ACOT7: variants seen among roughly 807,000 people sequenced by gnomAD.
The protein encoded by ACOT7 is cytosolic acyl coenzyme A thioester hydrolase.
A neutral mutation model predicts 40.2 loss-of-function variants in ACOT7; 12 were observed. The observed-to-expected ratio is 0.30, with a 90% CI of 0.19 to 0.48. The LOEUF (loss-of-function observed/expected upper bound fraction) is 0.48. ACOT7 is among the 20% of genes least tolerant of loss of function. The pLI is 0.99. For synonymous variants in ACOT7, 228 were observed against 219.5 expected (o/e 1.04, Z -0.34); for missense variants, 395 against 530.8 (o/e 0.74, Z 2.51).
intron 8 of ACOT7, among the ~76,000 whole-genome samples, chr1:6,277,549 C>T (rs1639231701): frequency 6.6e-6 from 1 of 152,256 alleles, no homozygotes; most frequent in Admixed American, 6.5e-5. Flanking sequence ...CCCGTCCTAG[C>T]CGGGTGGCCT....
chr1:6,331,112 A>G (rs191816148), intron 4 of ACOT7, among the ~76,000 whole-genome samples: 1 of 152,276 alleles, frequency 6.6e-6, no homozygotes, highest in East Asian at 1.9e-4. Flanking sequence ...AATGACCACA[A>G]CTTCCATCTC....
Position 6,349,763 on chromosome 1 carries a change from T to C in ACOT7, c.247A>G (p.Asn83Asp). Residue 83 changes from asparagine to aspartate, a missense_variant, in exon 2 of 9, where the codon AAC becomes GAC. Around this residue, in one of 2 missense-constraint regions of ACOT7, gnomAD observed 309 missense variants for 470.3 expected, o/e 0.66. Coordinates refer to ENST00000361521, the MANE Select transcript of ACOT7 (RefSeq NM_007274.4). ...CAGACCCTTACCCCGTTCTGGCTGT[T>C]GCAATGCCGGGTGCTGATGATGGCG... ...AGAIISTRHC[N>D]SQNGERCVAA... 6.2e-7 allele frequency: 1 copy of C among 1,613,836 alleles called. No homozygotes were observed. The highest frequency in any genetic ancestry group is 8.5e-7 in the Non-Finnish European group (1 of 1,179,908).
At chr1:6,332,090 C>A (rs960977458) in intron 4 of ACOT7, among the ~76,000 whole-genome samples, 4 of 152,238 alleles carry the variant, frequency 2.6e-5, no homozygotes, top group Non-Finnish European at 4.4e-5. Flanking sequence ...GCAAGAGCAC[C>A]CAGCGTCTCT....
chr1:6,384,842 T>C (rs1339761958), intron 1 of ACOT7, among the ~76,000 whole-genome samples: 1 of 151,656 alleles, frequency 6.6e-6, no homozygotes, highest in Non-Finnish European at 1.5e-5. Flanking sequence ...CTTTCAAAAT[T>C]GATGGAGGTC....
rs1172657859 is a variant in ACOT7, at chr1:6,299,553, C to G, written c.713-4573G>C. 6.6e-6 allele frequency among the ~76,000 whole-genome samples: 1 copy of G among 152,096 alleles called. No individual in the cohort carries two copies. The highest frequency in any genetic ancestry group is 2.4e-5 in the African/African-American group (1 of 41,396). Reference sequence around the variant, plus strand: ...CACCACACACAGAGGGCACAGAGGACAGTCGGCCTCCCCTTACCGGACGCC... The same window carrying G: ...CACCACACACAGAGGGCACAGAGGAGAGTCGGCCTCCCCTTACCGGACGCC... On this transcript the variant is annotated intron_variant, in intron 6 of 8. Transcript: ENST00000361521. The surrounding 1 kb of genome is among the most constrained non-coding windows in gnomAD (Gnocchi z 4.1).
chr1:6,327,902 T>C (rs1303328755), intron 4 of ACOT7, among the ~76,000 whole-genome samples: 2 of 152,092 alleles, frequency 1.3e-5, no homozygotes, highest in African/African-American at 4.8e-5. Flanking sequence ...GCCTCCCCGG[T>C]ACCTGGGACG....
chr1:6,306,209 A>C lies in ACOT7; in HGVS notation c.713-11229T>G. The C allele has an allele frequency of 1.2e-6, 1 of 804,638 alleles. No individual in the cohort carries two copies. Among genetic ancestry groups the C allele is most frequent in the Non-Finnish European group, 1.4e-6 (1 of 714,774 alleles). The allele number at this position is 804,638 out of a possible 1,614,324, so 49.8% of individuals were successfully genotyped here. A position where few individuals can be genotyped will look rare whatever the true frequency, so the allele number is the denominator to read the frequency against. ...AGAGGGAGAGGGAGACCGTGGGGAG[A>C]GGGGGAGGGGGAGGGGGAGAGGGAG... On this transcript the variant is annotated intron_variant, in intron 6 of 8. Transcript: ENST00000361521. This position sits in a 1 kb window ranked among gnomAD's most constrained non-coding sequence, Gnocchi z 4.3.
rs891891907 is a variant in ACOT7, at chr1:6,275,093, A to G, written c.1014+6009T>C. Among the ~76,000 whole-genome samples the G allele has an allele frequency of 6.6e-6, 1 of 152,122 alleles. No homozygotes were observed. Among genetic ancestry groups the G allele is most frequent in the Non-Finnish European group, 1.5e-5 (1 of 67,992 alleles). On this transcript the variant is annotated intron_variant, in intron 8 of 8. Transcript: ENST00000361521. The surrounding 1 kb of genome is among the most constrained non-coding windows in gnomAD (Gnocchi z 5.6). ...GGAAGCATCTGTGAGCAGACACACC[A>G]GCTCGCAGAGGGGTTGGCGTTCCCT...
chr1:6,293,111 G>A lies in ACOT7; in HGVS notation c.829+1753C>T, dbSNP rs548886438. On this transcript the variant is annotated intron_variant, in intron 7 of 8. Transcript: ENST00000361521. The stretch of plus-strand genomic sequence containing the variant: ...TCACCATGTTAACCAGGATGATCTC[G>A]CTCTCCTGACCTCATGATCCGCCCG... 4.2e-4 allele frequency among the ~76,000 whole-genome samples: 64 copies of A among 152,098 alleles called. 1 individual carries two copies. Among genetic ancestry groups the A allele is most frequent in the African/African-American group, 1.4e-3 (59 of 41,498 alleles).
rs547185011 is a variant in ACOT7, at chr1:6,330,572, C to G, written c.510+2905G>C. Among the ~76,000 whole-genome samples, 2 of 152,294 alleles carry G rather than the reference C, an allele frequency of 1.3e-5. No individual in the cohort carries two copies. The highest frequency in any genetic ancestry group is 3.9e-4 in the East Asian group (2 of 5,172). Reference sequence around the variant, plus strand: ...GTTGGTATTTATGTCTCATCAAACCCACTCTACAAAGGAAATGAAAAAGCA... The same window carrying G: ...GTTGGTATTTATGTCTCATCAAACCGACTCTACAAAGGAAATGAAAAAGCA... On this transcript the variant is annotated intron_variant, in intron 4 of 8. Transcript: ENST00000361521. The surrounding 1 kb of genome is among the most constrained non-coding windows in gnomAD (Gnocchi z 4.6).
At chr1:6,385,634 A>T in intron 1 of ACOT7, 1 of 1,612,092 alleles carries the variant, frequency 6.2e-7, no homozygotes, top group African/African-American at 1.3e-5. Flanking sequence ...TCCCAAACTC[A>T]CAGAGCCGGA....
intron 3 of ACOT7, among the ~76,000 whole-genome samples, chr1:6,336,569 C>A (rs1271231979): frequency 6.6e-6 from 1 of 152,088 alleles, no homozygotes; most frequent in Non-Finnish European, 1.5e-5. Context: ...AACAGGGGAC[C>A]CCTGTCTCCT....
chr1:6,286,444 C>T (rs1008373463), intron 7 of ACOT7, among the ~76,000 whole-genome samples: 2 of 152,132 alleles, frequency 1.3e-5, no homozygotes, highest in Non-Finnish European at 2.9e-5. Flanking sequence ...CAGGGCTCTT[C>T]GAGGCCCTGG....
At position 6,264,692 on chromosome 1, in the gene ACOT7, CG is replaced by C. The variant is rs765970009; in HGVS notation, c.1017del (p.Glu340ArgfsTer19). ...AAGCGCTTCTTCTCGTCCTCGGTCT[CG>C]GGCTGTGGACCACACACAGAGACAG... Reference protein sequence around the residue: ...GRSLPVPQLVPETEDEKKRFE... With the variant: ...GRSLPVPQLVXETEDEKKRFE... On this transcript the variant is annotated frameshift_variant and splice_region_variant, in exon 9 of 9. Coordinates refer to ENST00000361521, the MANE Select transcript of ACOT7 (RefSeq NM_007274.4). LOFTEE classifies it high-confidence loss of function. The C allele has an allele frequency of 6.2e-7, 1 of 1,613,084 alleles. No individual in the cohort carries two copies. The highest frequency in any genetic ancestry group is 8.5e-7 in the Non-Finnish European group (1 of 1,179,904).
intron 1 of ACOT7, chr1:6,360,569 C>A: frequency 6.2e-7 from 1 of 1,614,072 alleles, no homozygotes; most frequent in Non-Finnish European, 8.5e-7. Context: ...TCCCAACTCA[C>A]TGTTTGGCCT....
At position 6,286,897 on chromosome 1, in the gene ACOT7, G is replaced by T. The variant is rs151259157; in HGVS notation, c.830-5611C>A. The stretch of plus-strand genomic sequence containing the variant: ...GGCCTGAGTGTGCCCCAGGGGCACC[G>T]CTGGAGAGGCTTGCAGGGGGTAAAA... On this transcript the variant is annotated intron_variant, in intron 7 of 8. Coordinates refer to ENST00000361521, the MANE Select transcript of ACOT7 (RefSeq NM_007274.4). 3.8e-3 allele frequency among the ~76,000 whole-genome samples: 581 copies of T among 152,306 alleles called. 5 individuals are homozygous for T. The highest frequency in any genetic ancestry group is 0.014 in the African/African-American group (564 of 41,550).
intron 1 of ACOT7, among the ~76,000 whole-genome samples, chr1:6,374,750 C>T (rs1642194238): frequency 6.6e-6 from 1 of 152,214 alleles, no homozygotes; most frequent in African/African-American, 2.4e-5. Flanking sequence ...GTGGCTGGGA[C>T]ACCCTACACT....
intron 1 of ACOT7, among the ~76,000 whole-genome samples, chr1:6,353,044 A>G (rs1319543605): frequency 6.6e-6 from 1 of 152,074 alleles, no homozygotes; most frequent in African/African-American, 2.4e-5. Flanking sequence ...ACGCCTGGCT[A>G]AATTTTGTAT....
rs561435497 is a variant in ACOT7, at chr1:6,284,957, G to A, written c.830-3671C>T. Among the ~76,000 whole-genome samples, 43 of 152,276 alleles carry A rather than the reference G, an allele frequency of 2.8e-4. 1 individual carries two copies. The highest frequency in any genetic ancestry group is 3.4e-3 in the Middle Eastern group (1 of 294). On this transcript the variant is annotated intron_variant, in intron 7 of 8. Transcript: ENST00000361521. ...CCTTCTCCAGAGAGCTGCCCAGGGCGGCTCAGCCCCCTCCACCACACCCCC... is the reference window on the plus strand; with the variant it reads ...CCTTCTCCAGAGAGCTGCCCAGGGCAGCTCAGCCCCCTCCACCACACCCCC...
Sources: gnomAD v4.1 joint callset for allele counts (sites outside exome capture counted in the v4.1 genomes callset) on GRCh38, gnomAD v4.1.1 for gene constraint, gnomAD v4.1.1 regional missense constraint, Gnocchi (gnomAD v3.1) non-coding constraint, MANE v1.5 for transcripts, NCBI Gene and HGNC (gene_info 2026-07-23, HGNC 2026-07-21) for gene names.